Variants in MAP3K20 observed in about 807,000 individuals in gnomAD.
MAP3K20 encodes the protein HCCS-4.
In MAP3K20, 40 loss-of-function variants were observed where a neutral mutation model predicts 85.7. That is an observed-to-expected ratio of 0.47 (90% CI 0.36 to 0.61). The LOEUF (loss-of-function observed/expected upper bound fraction) is 0.61, where lower values mean the gene tolerates loss of function less well. Ranked by LOEUF, MAP3K20 falls within the 20% of genes least tolerant of loss-of-function variation. MAP3K20 has a pLI of 0.00. For missense variants in MAP3K20, 817 were observed against 961.7 expected (o/e 0.85, Z 1.99); for synonymous variants, 325 against 327.7 (o/e 0.99, Z 0.09).
intron 1 of MAP3K20, 85 bp downstream of exon 1, chr2:173,076,087 G>A (rs1686846639): frequency 2.1e-6 from 2 of 935,828 alleles, no homozygotes; most frequent in South Asian, 4.9e-5. Flanking sequence ...GCGTCTCGGG[G>A]CCGAGGCTCC....
chr2:173,232,252 A>G, intron 13 of MAP3K20, 30 bp downstream of exon 13: 2 of 1,614,178 alleles, frequency 1.2e-6, no homozygotes, highest in Non-Finnish European at 1.7e-6. Flanking sequence ...TTCTTCAATC[A>G]TGGAGTTAAC....
chr2:173,131,693 T>C (rs1262098942), intron 2 of MAP3K20, among the ~76,000 whole-genome samples: 2 of 152,156 alleles, frequency 1.3e-5, no homozygotes, highest in Non-Finnish European at 2.9e-5. Flanking sequence ...TGTAGAAATA[T>C]AGAAAGATGG....
At chr2:173,161,338 T>C (rs959451724) in intron 2 of MAP3K20, among the ~76,000 whole-genome samples, 3 of 152,212 alleles carry the variant, frequency 2.0e-5, no homozygotes, top group Non-Finnish European at 4.4e-5. Context: ...GTTACTCTTA[T>C]GAAATGTACC....
chr2:173,214,693 G>A (rs1310034845), intron 10 of MAP3K20, among the ~76,000 whole-genome samples: 5 of 152,034 alleles, frequency 3.3e-5, no homozygotes, highest in African/African-American at 1.2e-4. Context: ...CCTGTTTTTG[G>A]CATATGGAAA....
In MAP3K20 at chr2:173,176,411, T is replaced by C. The variant is rs899430369; in HGVS notation, c.248-6443T>C. ...ATATTAATATATCACAACAATAGCA[T>C]AAAGGATAAGGGAGGGAATGGAGTT... On this transcript the variant is annotated intron_variant, in intron 3 of 19. Transcript: ENST00000375213. 3.3e-5 allele frequency among the ~76,000 whole-genome samples: 5 copies of C among 152,224 alleles called. No individual in the cohort carries two copies. In the East Asian group the frequency reaches 9.6e-4, roughly 29 times the overall value.
intron 12 of MAP3K20, among the ~76,000 whole-genome samples, chr2:173,231,477 T>G (rs931201814): frequency 2.6e-5 from 4 of 152,364 alleles, no homozygotes; most frequent in South Asian, 2.1e-4. Flanking sequence ...TCCCCTGTCA[T>G]TTGAAAAGAA....
chr2:173,110,001 C>T (rs528680398), intron 2 of MAP3K20, among the ~76,000 whole-genome samples: 219 of 151,326 alleles, frequency 1.4e-3, no homozygotes, highest in African/African-American at 5.2e-3. Context: ...ATTAGGCAAC[C>T]TAGTTGGGGG....
At chr2:173,139,073 T>C (rs1451055749) in intron 2 of MAP3K20, among the ~76,000 whole-genome samples, 1 of 152,234 alleles carries the variant, frequency 6.6e-6, no homozygotes, top group African/African-American at 2.4e-5. Context: ...TGATAGTATA[T>C]AATATTACTC....
At chr2:173,188,079 C>CA (rs1283265984) in intron 5 of MAP3K20, among the ~76,000 whole-genome samples, 1 of 152,090 alleles carries the variant, frequency 6.6e-6, no homozygotes, top group Admixed American at 6.5e-5. Flanking sequence ...TTGTTGATGC[C>CA]AGTCATGCCT....
At chr2:173,181,812 C>G (rs1690336387) in intron 3 of MAP3K20, among the ~76,000 whole-genome samples, 2 of 150,928 alleles carry the variant, frequency 1.3e-5, no homozygotes, top group African/African-American at 4.9e-5. Context: ...CTTTGGGAGG[C>G]TGAGACAGGT....
intron 2 of MAP3K20, among the ~76,000 whole-genome samples, chr2:173,098,897 C>A (rs1028441684): frequency 1.3e-5 from 2 of 152,180 alleles, no homozygotes; most frequent in Non-Finnish European, 2.9e-5. Context: ...TGGGCCTCAC[C>A]CCACACCAAA....
chr2:173,242,699 C>CTTTTTTTT (rs68173816), intron 16 of MAP3K20, among the ~76,000 whole-genome samples: 3 of 80,976 alleles, frequency 3.7e-5, no homozygotes, highest in African/African-American at 4.9e-5. Flanking sequence ...AGTAATCTTT[C>CTTTTTTTT]TTTTTTTTTT....
chr2:173,165,207 G>A (rs760892185), intron 2 of MAP3K20, among the ~76,000 whole-genome samples: 8 of 151,722 alleles, frequency 5.3e-5, no homozygotes, highest in Non-Finnish European at 8.8e-5. Context: ...TCAGGAGTTC[G>A]AGACCAGCCT....
intron 10 of MAP3K20, among the ~76,000 whole-genome samples, chr2:173,216,456 T>G (rs1684073738): frequency 6.6e-6 from 1 of 151,974 alleles, no homozygotes; most frequent in East Asian, 1.9e-4. Context: ...GCCTACTGAC[T>G]CATGAGCTCT....
In MAP3K20 at chr2:173,203,874, T is replaced by C. The variant is rs1683576259; in HGVS notation, c.744+4T>C. ...GTGTTGGGAAGCTGATGCCAAGGTATACATATGTATTTTTGTTATTGTTTA... is the reference window on the plus strand; with the variant it reads ...GTGTTGGGAAGCTGATGCCAAGGTACACATATGTATTTTTGTTATTGTTTA... On this transcript the variant is annotated splice_donor_region_variant and intron_variant, in intron 9 of 19. Coordinates refer to ENST00000375213, the MANE Select transcript of MAP3K20 (RefSeq NM_016653.3). 2.5e-6 allele frequency: 4 copies of C among 1,612,526 alleles called. No homozygotes were observed. Among genetic ancestry groups the C allele is most frequent in the South Asian group, 1.1e-5 (1 of 90,926 alleles).
intron 11 of MAP3K20, chr2:173,221,723 T>G (rs1228906887): frequency 7.7e-7 from 1 of 1,301,932 alleles, no homozygotes; most frequent in East Asian, 2.8e-5. Context: ...GGGGGAGAAT[T>G]AAGCCAAAGA....
At chr2:173,230,688 T>A (rs924921236) in intron 12 of MAP3K20, among the ~76,000 whole-genome samples, 1 of 152,166 alleles carries the variant, frequency 6.6e-6, no homozygotes, top group African/African-American at 2.4e-5. Flanking sequence ...AAAACAGGTA[T>A]GAAAATTCCT....
chr2:173,205,919 A>C (rs1683671545), intron 9 of MAP3K20, among the ~76,000 whole-genome samples: 1 of 152,206 alleles, frequency 6.6e-6, no homozygotes, highest in Admixed American at 6.5e-5. Flanking sequence ...TACACTTTGC[A>C]ACTAGTTCAG....
chr2:173,124,484 G>C (rs1688385777), intron 2 of MAP3K20, among the ~76,000 whole-genome samples: 1 of 152,128 alleles, frequency 6.6e-6, no homozygotes, highest in Non-Finnish European at 1.5e-5. Flanking sequence ...GGGGTTGGTT[G>C]GGGTTCCATG....
Sources: gnomAD v4.1 joint callset for allele counts (sites outside exome capture counted in the v4.1 genomes callset) on GRCh38, gnomAD v4.1.1 for gene constraint, MANE v1.5 for transcripts, NCBI Gene and HGNC (gene_info 2026-07-23, HGNC 2026-07-21) for gene names.